Variants in TLN2 observed in about 807,000 individuals in gnomAD.
TLN2 encodes the protein talin 2, also known as talin-2.
A neutral mutation model predicts 294.7 loss-of-function variants in TLN2; 118 were observed. The ratio of observed to expected loss-of-function variants is 0.40; its 90% CI spans 0.34 to 0.47. TLN2 has a LOEUF of 0.47. TLN2 is among the 20% of genes least tolerant of loss of function. The pLI, the probability that TLN2 is intolerant of heterozygous loss-of-function variation, is 0.84. For synonymous variants in TLN2, 1,431 were observed against 1,304.5 expected, an observed-to-expected ratio of 1.10 and a Z score of -2.09; for missense variants, 3,083 against 3,282.2, an observed-to-expected ratio of 0.94 and a Z score of 1.48.
chr15:62,813,205 C>G (rs546062753), intron 52 of TLN2, among the ~76,000 whole-genome samples: 2 of 152,156 alleles, frequency 1.3e-5, no homozygotes, highest in African/African-American at 2.4e-5. Context: ...TGGATTCTTC[C>G]TTGTATTTTT....
In TLN2 at chr15:62,697,898, G is replaced by A. The variant is rs146722140; in HGVS notation, c.1473+30G>A. ...GGCTTCCTGTGCTCGTCCCCCACTC[G>A]TTAGTCTGCTGCCTCCCGCATGCAG... is the stretch of plus-strand genomic sequence containing the variant. On this transcript the variant is annotated intron_variant, in intron 15 of 58. Transcript: ENST00000636159. 1,271 of 1,603,834 alleles carry A rather than the reference G, an allele frequency of 7.9e-4. 11 individuals are homozygous for A. The African/African-American group carries it at 0.016, about 20-fold the overall frequency.
intron 1 of TLN2, among the ~76,000 whole-genome samples, chr15:62,546,451 G>T (rs1026784488): frequency 3.9e-5 from 6 of 152,124 alleles, no homozygotes; most frequent in African/African-American, 1.2e-4. Context: ...GTTAATTTTG[G>T]TATTTCATTT....
At chr15:62,673,141 A>C (rs1381834829) in intron 9 of TLN2, among the ~76,000 whole-genome samples, 1 of 149,558 alleles carries the variant, frequency 6.7e-6, no homozygotes, top group African/African-American at 2.5e-5. Flanking sequence ...AATTTTAAAT[A>C]CTAATATTTT....
At chr15:62,715,687 G>A (rs1158618094) in intron 22 of TLN2, among the ~76,000 whole-genome samples, 1 of 152,164 alleles carries the variant, frequency 6.6e-6, no homozygotes, top group East Asian at 1.9e-4. Context: ...CTGTCAGGTG[G>A]ACGGCATTAC....
intron 1 of TLN2, among the ~76,000 whole-genome samples, chr15:62,418,973 C>G (rs1037273821): frequency 6.6e-6 from 1 of 152,132 alleles, no homozygotes; most frequent in African/African-American, 2.4e-5. Context: ...GCTCAGAGGC[C>G]TGACAGAAAA....
chr15:62,622,223 T>C (rs1226515044), intron 3 of TLN2, among the ~76,000 whole-genome samples: 3 of 150,146 alleles, frequency 2.0e-5, no homozygotes, highest in Non-Finnish European at 4.4e-5. Flanking sequence ...ATCAGAAAAT[T>C]AAAACGACTC....
rs2068047352 is a variant in TLN2 at position 62,825,794 on chromosome 15, ATAT to A, written c.7002+5185_7002+5187del. On this transcript the variant is annotated intron_variant, in intron 54 of 58. Transcript: ENST00000636159. Reference sequence around the variant, plus strand: ...ATTATATAATATATTATATATTATAATATATATTATATATTATATTATAATATA... The same window carrying A: ...ATTATATAATATATTATATATTATAAATATTATATATTATATTATAATATA... Among the ~76,000 whole-genome samples the A allele has an allele frequency of 4.9e-4, 3 of 6,172 alleles. 1 individual carries two copies. The highest frequency in any genetic ancestry group is 9.6e-4 in the African/African-American group (3 of 3,130). 4.0% of individuals were successfully genotyped at this position (6,172 alleles called of 152,430 possible). A position where few individuals can be genotyped will look rare whatever the true frequency, so the allele number is the denominator to read the frequency against.
intron 18 of TLN2, 148 bp downstream of exon 18, chr15:62,702,348 G>C: frequency 1.1e-6 from 1 of 924,034 alleles, no homozygotes; most frequent in Non-Finnish European, 1.6e-6. Context: ...TGTGGAACTG[G>C]GTGCAGAAGC....
intron 35 of TLN2, among the ~76,000 whole-genome samples, 171 bp downstream of exon 35, chr15:62,752,598 C>G (rs1007978424): frequency 6.6e-6 from 1 of 152,108 alleles, no homozygotes; most frequent in Non-Finnish European, 1.5e-5. Context: ...CAGTTACCCC[C>G]GAGGAGCAGA....
At chr15:62,415,370 G>T (rs2140261755) in intron 1 of TLN2, among the ~76,000 whole-genome samples, 1 of 142,084 alleles carries the variant, frequency 7.0e-6, no homozygotes, top group East Asian at 3.4e-4. Context: ...TTTCACCTGT[G>T]TTCAGCTGGC....
chr15:62,579,053 A>G (rs891879119), intron 1 of TLN2, among the ~76,000 whole-genome samples: 1 of 152,204 alleles, frequency 6.6e-6, no homozygotes, highest in East Asian at 1.9e-4. Context: ...GGGAAAGAGC[A>G]TCTTAGAAAA....
chr15:62,455,206 G>C (rs1290872715), intron 1 of TLN2, among the ~76,000 whole-genome samples: 1 of 152,018 alleles, frequency 6.6e-6, no homozygotes, highest in Non-Finnish European at 1.5e-5. Flanking sequence ...GTGAGTCCCC[G>C]ACTCTTCCTG....
intron 2 of TLN2, among the ~76,000 whole-genome samples, chr15:62,592,525 T>C (rs1467039032): frequency 6.6e-6 from 1 of 152,224 alleles, no homozygotes; most frequent in Non-Finnish European, 1.5e-5. Context: ...TATAGTAATA[T>C]GAGAGATTAC....
intron 54 of TLN2, among the ~76,000 whole-genome samples, chr15:62,825,089 T>C (rs2067928116): frequency 1.3e-5 from 2 of 152,242 alleles, no homozygotes; most frequent in East Asian, 1.9e-4. Context: ...AGTCCTGGCT[T>C]CTGGAGTTAC....
At chr15:62,697,603 G>A in intron 14 of TLN2, 85 bp from the exon 15 acceptor site, 2 of 1,449,860 alleles carry the variant, frequency 1.4e-6, no homozygotes, top group Non-Finnish European at 1.9e-6. Flanking sequence ...ATAAAGCAGG[G>A]AACATACGTG....
chr15:62,698,996 G>T (rs1391463916), intron 16 of TLN2, 129 bp downstream of exon 16: 2 of 891,996 alleles, frequency 2.2e-6, no homozygotes, highest in Non-Finnish European at 3.5e-6. Flanking sequence ...ATTTTTTCAG[G>T]ATATTGAGTC....
rs143201439 is a variant in TLN2, at chr15:62,839,482, C to A, written c.7500+501C>A. Among the ~76,000 whole-genome samples, 1,354 of 152,324 alleles carry A rather than the reference C, an allele frequency of 8.9e-3. 13 individuals are homozygous for A. Among genetic ancestry groups the A allele is most frequent in the Middle Eastern group, 0.024 (7 of 294 alleles). ...ATTTGGAGGTACTGCCCACTGCAGACATTTGGCCCTACAGAGAATGCTTTC... is the reference window on the plus strand; with the variant it reads ...ATTTGGAGGTACTGCCCACTGCAGAAATTTGGCCCTACAGAGAATGCTTTC... On this transcript the variant is annotated intron_variant, in intron 58 of 58. Transcript: ENST00000636159.
chr15:62,611,098 G>A (rs1248638734), intron 2 of TLN2, among the ~76,000 whole-genome samples: 3 of 152,118 alleles, frequency 2.0e-5, no homozygotes, highest in Admixed American at 6.5e-5. Context: ...AGAGGGATGT[G>A]ATTATGTCTT....
At chr15:62,537,036 T>C (rs2041392949) in intron 1 of TLN2, among the ~76,000 whole-genome samples, 1 of 151,932 alleles carries the variant, frequency 6.6e-6, no homozygotes, top group African/African-American at 2.4e-5. Flanking sequence ...TTTTTTTTTT[T>C]TGGACGGAGT....
Sources: allele counts gnomAD v4.1 joint callset (sites outside exome capture counted in the v4.1 genomes callset), GRCh38; gene constraint gnomAD v4.1.1; transcripts MANE v1.5; gene names NCBI Gene and HGNC (gene_info 2026-07-23, HGNC 2026-07-21).